The following MAP2K1 variants were observed in gnomAD, a reference collection of about 807,000 sequenced individuals.
MAP2K1 encodes the protein mitogen-activated protein kinase kinase 1.
In MAP2K1, 16 loss-of-function variants were observed where a neutral mutation model predicts 46.3. The observed-to-expected ratio is 0.35, with a 90% CI of 0.23 to 0.52. The LOEUF (loss-of-function observed/expected upper bound fraction) is 0.52. Among genes scored for constraint, MAP2K1 ranks in the 20% least tolerant of loss-of-function variants. The probability of loss-of-function intolerance (pLI) is 0.94; values close to 1 mark genes in which losing one functional copy is unlikely to be tolerated. For missense variants in MAP2K1, 263 were observed against 497.1 expected (o/e 0.53, Z 4.48); for synonymous variants, 183 against 185.6 (o/e 0.99, Z 0.11).
rs185967690 is a variant in MAP2K1 at position 66,476,471 on chromosome 15, G to A, written c.569-5284G>A. On this transcript the variant is annotated intron_variant, in intron 5 of 10. Coordinates refer to ENST00000307102, the MANE Select transcript of MAP2K1 (RefSeq NM_002755.4). ...GGGATTCAGAAGAACTAGGCATCTA[G>A]GAGTAGAGGTGACAGGGTGATTTGA... Among the ~76,000 whole-genome samples, 556 of 152,330 alleles carry A rather than the reference G, an allele frequency of 3.6e-3. 2 individuals are homozygous for A. Among genetic ancestry groups the A allele is most frequent in the African/African-American group, 0.013 (531 of 41,576 alleles).
intron 1 of MAP2K1, among the ~76,000 whole-genome samples, chr15:66,417,450 T>C (rs1029858411): frequency 6.6e-6 from 1 of 151,930 alleles, no homozygotes; most frequent in Non-Finnish European, 1.5e-5. Flanking sequence ...CACGTGCCTG[T>C]AGTCCAGTTA....
At chr15:66,489,408 G>A in intron 9 of MAP2K1, 132 bp downstream of exon 9, 1 of 895,202 alleles carries the variant, frequency 1.1e-6, no homozygotes, top group East Asian at 2.5e-5. Context: ...ATGATTCTTG[G>A]CTGCTGCCAT....
intron 6 of MAP2K1, among the ~76,000 whole-genome samples, chr15:66,483,749 T>TTTC (rs1030183708): frequency 2.8e-4 from 21 of 75,486 alleles, no homozygotes; most frequent in Non-Finnish European, 2.7e-4. Flanking sequence ...ATACATTTTC[T>TTTC]TTTTTTTTTT....
At chr15:66,420,928 TATAC>T (rs2093440099) in intron 1 of MAP2K1, among the ~76,000 whole-genome samples, 1 of 132,418 alleles carries the variant, frequency 7.6e-6, no homozygotes. Flanking sequence ...CATACATATA[TATAC>T]ACACATACAT....
rs1057520833 is a variant in MAP2K1 at position 66,489,259 on chromosome 15, A to G, written c.1005A>G (p.Gln335=). ...GTGGAGTGTTCAGTCTGGAATTTCA[A>G]GATTTTGTGAATAAATGGTAAGTTG... ...LPSGVFSLEF[Q]DFVNKCLIKN... Residue 335 remains glutamine (Q), a synonymous_variant, in exon 9 of 11, where the codon CAA becomes CAG. Transcript: ENST00000307102. 15 of 1,613,954 alleles carry G rather than the reference A, an allele frequency of 9.3e-6. No homozygotes were observed. In the African/African-American group the frequency reaches 9.3e-5, roughly 10 times the overall value.
chr15:66,459,358 T>TTTA (rs1892256195), intron 5 of MAP2K1, among the ~76,000 whole-genome samples: 1 of 150,002 alleles, frequency 6.7e-6, no homozygotes, highest in Admixed American at 6.7e-5. Context: ...GGCTCATGCC[T>TTTA]ATAATCCCAG....
Position 66,484,668 on chromosome 15 carries a change from G to A in MAP2K1, c.694-322G>A, listed in dbSNP as rs114591502. 2.9e-3 allele frequency among the ~76,000 whole-genome samples: 443 copies of A among 150,390 alleles called. 1 individual carries two copies. Among genetic ancestry groups the A allele is most frequent in the African/African-American group, 8.2e-3 (325 of 39,670 alleles). On this transcript the variant is annotated intron_variant, in intron 6 of 10. Coordinates refer to ENST00000307102, the MANE Select transcript of MAP2K1 (RefSeq NM_002755.4). ...CTGGGCTTCGGACAGGCTGCCCTGC[G>A]TGTGCAAGACTGTGGCCAAGCTGGG...
intron 5 of MAP2K1, among the ~76,000 whole-genome samples, chr15:66,446,951 GTA>G (rs1324944640): frequency 1.3e-5 from 2 of 152,150 alleles, no homozygotes; most frequent in Non-Finnish European, 2.9e-5. Context: ...TTATACCTCA[GTA>G]TAGTTGCTTT....
chr15:66,410,825 T>A (rs1317697443), intron 1 of MAP2K1, among the ~76,000 whole-genome samples: 1 of 152,176 alleles, frequency 6.6e-6, no homozygotes, highest in African/African-American at 2.4e-5. Context: ...AGGAGACAGA[T>A]CACTTGGCAG....
chr15:66,412,499 C>T (rs1252534902), intron 1 of MAP2K1, among the ~76,000 whole-genome samples: 1 of 152,178 alleles, frequency 6.6e-6, no homozygotes, highest in African/African-American at 2.4e-5. Context: ...ATTTGTGTAG[C>T]TCTTGACTCC....
At chr15:66,426,932 C>T (rs1229521314) in intron 1 of MAP2K1, among the ~76,000 whole-genome samples, 2 of 152,174 alleles carry the variant, frequency 1.3e-5, no homozygotes, top group South Asian at 4.1e-4. Flanking sequence ...GTTAGCTTCT[C>T]GTGTTATATG....
intron 5 of MAP2K1, among the ~76,000 whole-genome samples, chr15:66,459,309 C>CAAA (rs35580857): frequency 8.1e-6 from 1 of 123,156 alleles, no homozygotes; most frequent in African/African-American, 3.1e-5. Context: ...GACTCTGTCT[C>CAAA]AAAAAAAAAA....
At chr15:66,462,569 C>T (rs1351069829) in intron 5 of MAP2K1, among the ~76,000 whole-genome samples, 1 of 148,026 alleles carries the variant, frequency 6.8e-6, no homozygotes, top group Non-Finnish European at 1.5e-5. Flanking sequence ...TACATGGTTA[C>T]TGTCTCTACT....
rs2093483978 is a variant in MAP2K1, at chr15:66,435,023, A to C, written c.81-4A>C. On this transcript the variant is annotated splice_polypyrimidine_tract_variant and splice_region_variant and intron_variant, in intron 1 of 10. Coordinates refer to ENST00000307102, the MANE Select transcript of MAP2K1 (RefSeq NM_002755.4). ...ATTGACTTGTGCTCCCCACTTTGGA[A>C]CAGGACCAACTTGGAGGCCTTGCAG... The C allele has an allele frequency of 1.2e-6, 2 of 1,607,458 alleles. No individual in the cohort carries two copies. Among genetic ancestry groups the C allele is most frequent in the South Asian group, 2.2e-5 (2 of 90,902 alleles).
At chr15:66,449,003 C>CAAAAAAAAAAAAAAAAAA (rs59398424) in intron 5 of MAP2K1, among the ~76,000 whole-genome samples, 1 of 47,950 alleles carries the variant, frequency 2.1e-5, no homozygotes, top group Non-Finnish European at 3.6e-5. Context: ...GACACTGTCT[C>CAAAAAAAAAAAAAAAAAA]AAAAAAAAAA....
intron 2 of MAP2K1, among the ~76,000 whole-genome samples, chr15:66,436,438 C>T (rs2093488282): frequency 3.9e-5 from 6 of 152,188 alleles, no homozygotes; most frequent in Admixed American, 3.9e-4. Flanking sequence ...TGAGTGTGAA[C>T]CAAGTCCTCA....
At chr15:66,442,886 G>A (rs74972790) in intron 3 of MAP2K1, among the ~76,000 whole-genome samples, 2,405 of 152,188 alleles carry the variant, frequency 0.016, 68 homozygotes, top group African/African-American at 0.056. Context: ...AGAACTCAGG[G>A]AAACACTTAA....
chr15:66,420,759 G>GTGTGTGTA lies in MAP2K1; in HGVS notation c.81-14267_81-14266insGTGTGTAT, dbSNP rs1252003697. 2.8e-3 allele frequency among the ~76,000 whole-genome samples: 111 copies of GTGTGTGTA among 40,070 alleles called. 6 individuals carry two copies. Among genetic ancestry groups the GTGTGTGTA allele is most frequent in the African/African-American group, 0.01 (108 of 10,394 alleles). 26.3% of individuals were successfully genotyped at this position (40,070 alleles called of 152,430 possible). A position where few individuals can be genotyped will look rare whatever the true frequency, so the allele number is the denominator to read the frequency against. On this transcript the variant is annotated intron_variant, in intron 1 of 10. Coordinates refer to ENST00000307102, the MANE Select transcript of MAP2K1 (RefSeq NM_002755.4). ...TGTGTGTGTGTGTGTGTGTGTGTGT[G>GTGTGTGTA]TATGTGTGTATATATATGTGTATAT...
intron 1 of MAP2K1, among the ~76,000 whole-genome samples, chr15:66,432,959 A>AGTGTGT (rs1164509967): frequency 0.19 from 25,474 of 131,680 alleles, 2,697 homozygotes; most frequent in Admixed American, 0.26. Context: ...CATCATGCAC[A>AGTGTGT]GTGTGTGTGT....
Sources: allele counts gnomAD v4.1 joint callset (sites outside exome capture counted in the v4.1 genomes callset), GRCh38; gene constraint gnomAD v4.1.1; transcripts MANE v1.5; gene names NCBI Gene and HGNC (gene_info 2026-07-23, HGNC 2026-07-21).